Variants in SEC23A observed in about 807,000 individuals in gnomAD.
SEC23A encodes the protein protein transport protein Sec23A.
SEC23A carries 56 observed loss-of-function variants against 103.7 expected under a neutral mutation model. The ratio of observed to expected loss-of-function variants is 0.54; its 90% CI spans 0.44 to 0.67. The LOEUF (loss-of-function observed/expected upper bound fraction) is 0.67. Ranked by LOEUF, SEC23A falls within the 30% of genes least tolerant of loss-of-function variation. The probability of loss-of-function intolerance (pLI) is 0.00; values close to 1 mark genes in which losing one functional copy is unlikely to be tolerated. For synonymous variants in SEC23A, 281 were observed against 293.0 expected, an observed-to-expected ratio of 0.96 and a Z score of 0.42; for missense variants, 784 against 936.4, an observed-to-expected ratio of 0.84 and a Z score of 2.12.
chr14:39,038,138 T>A (rs1885520484), intron 19 of SEC23A, among the ~76,000 whole-genome samples: 1 of 152,224 alleles, frequency 6.6e-6, no homozygotes, highest in Admixed American at 6.5e-5. Flanking sequence ...GCTCTGCATG[T>A]AGTCTTTTAT....
chr14:39,061,634 T>G (rs1886482838), intron 13 of SEC23A, 131 bp downstream of exon 13: 3 of 705,068 alleles, frequency 4.3e-6, no homozygotes, highest in Non-Finnish European at 7.7e-6. Flanking sequence ...TAGAAAGAAA[T>G]AAATAAAATA....
rs1277959978 is a variant in SEC23A at position 39,094,434 on chromosome 14, ATATATATATTTTTTTTTT to A, written c.222-1208_222-1191del. Among the ~76,000 whole-genome samples the A allele has an allele frequency of 2.4e-3, 72 of 29,854 alleles. 12 individuals carry two copies. The East Asian group carries it at 0.027, about 11-fold the overall frequency. 19.6% of individuals were successfully genotyped at this position (29,854 alleles called of 152,430 possible). On this transcript the variant is annotated intron_variant, in intron 2 of 19. Coordinates refer to ENST00000307712, the MANE Select transcript of SEC23A (RefSeq NM_006364.4). ...TATATATATATATATATATATATAT[ATATATATATTTTTTTTTT>A]TTTTTTTTCCCCTCCTGTAGAAATG... is the stretch of plus-strand genomic sequence containing the variant.
chr14:39,045,146 T>G lies in SEC23A; in HGVS notation c.1899+17A>C, dbSNP rs1327490992. 1.2e-6 allele frequency: 2 copies of G among 1,611,874 alleles called. No individual in the cohort carries two copies. The highest frequency in any genetic ancestry group is 1.3e-5 in the African/African-American group (1 of 74,886). ...TTGCAGTAACAAGACCAATTTATTT[T>G]TTTCTGTCCCTCTTACCTCTGGTGG... is the stretch of plus-strand genomic sequence containing the variant. On this transcript the variant is annotated intron_variant, in intron 16 of 19. Coordinates refer to ENST00000307712, the MANE Select transcript of SEC23A (RefSeq NM_006364.4).
At chr14:39,096,670 CTA>C (rs2139299973) in intron 1 of SEC23A, among the ~76,000 whole-genome samples, 1 of 152,174 alleles carries the variant, frequency 6.6e-6, no homozygotes, top group South Asian at 2.1e-4. Context: ...TTTATTCACT[CTA>C]AAAGATGATG....
At chr14:39,050,870 C>T (rs767634778) in intron 14 of SEC23A, among the ~76,000 whole-genome samples, 3 of 152,038 alleles carry the variant, frequency 2.0e-5, no homozygotes, top group Non-Finnish European at 4.4e-5. Flanking sequence ...ACAATGGATC[C>T]GAACAAGGGA....
intron 16 of SEC23A, 112 bp from the exon 17 acceptor site, chr14:39,042,984 TTTA>T: frequency 2.7e-6 from 2 of 743,704 alleles, no homozygotes; most frequent in Non-Finnish European, 4.4e-6. Flanking sequence ...TATTTATTTA[TTTA>T]TTTTTTTGGA....
intron 5 of SEC23A, among the ~76,000 whole-genome samples, chr14:39,090,542 C>T (rs1225756452): frequency 6.6e-6 from 1 of 152,148 alleles, no homozygotes; most frequent in Non-Finnish European, 1.5e-5. Context: ...AGTTCCTACA[C>T]TAAAAATCGT....
intron 13 of SEC23A, among the ~76,000 whole-genome samples, chr14:39,058,377 G>T (rs182557900): frequency 0.014 from 2,176 of 151,668 alleles, 72 homozygotes; most frequent in African/African-American, 0.049. Flanking sequence ...GCGCAATCTC[G>T]GCTCACTGCA....
chr14:39,081,058 T>C (rs1392057321), intron 7 of SEC23A, among the ~76,000 whole-genome samples: 2 of 152,004 alleles, frequency 1.3e-5, no homozygotes, highest in East Asian at 3.9e-4. Flanking sequence ...AAAAAGTAGC[T>C]GGGCATAGTG....
chr14:39,066,481 T>C (rs1886672129), intron 10 of SEC23A, among the ~76,000 whole-genome samples: 1 of 147,982 alleles, frequency 6.8e-6, no homozygotes, highest in South Asian at 2.1e-4. Context: ...GTTTCCTCTT[T>C]TTTTTTTTTA....
chr14:39,050,319 A>G (rs1042362351), intron 14 of SEC23A, among the ~76,000 whole-genome samples: 2 of 152,248 alleles, frequency 1.3e-5, no homozygotes, highest in African/African-American at 4.8e-5. Context: ...TCTTTAATTC[A>G]GTAATTATTT....
rs1204610511 is a variant in SEC23A, at chr14:39,096,041, T to C, written c.78A>G (p.Ser26=). The change falls in exon 2 of 20, where the codon TCA becomes TCG. Residue 26 remains serine, a synonymous_variant. Coordinates refer to ENST00000307712, the MANE Select transcript of SEC23A (RefSeq NM_006364.4). ...CCATTCTTGTAGCTTCCAGTCGACT[T>C]GATGGCCAAACATTCCAACTAAATC... ...GVRFSWNVWP[S]SRLEATRMVV... The C allele has an allele frequency of 5.6e-6, 9 of 1,614,168 alleles. No homozygotes were observed. In the African/African-American group the frequency reaches 1.2e-4, roughly 22 times the overall value.
At chr14:39,069,128 A>G (rs1201455869) in intron 9 of SEC23A, among the ~76,000 whole-genome samples, 2 of 152,038 alleles carry the variant, frequency 1.3e-5, no homozygotes, top group African/African-American at 2.4e-5. Context: ...TTTACAGTAA[A>G]CCTCTATGAA....
At chr14:39,076,830 G>A (rs561646248) in intron 7 of SEC23A, among the ~76,000 whole-genome samples, 71 of 152,012 alleles carry the variant, frequency 4.7e-4, no homozygotes, top group African/African-American at 1.7e-3. Flanking sequence ...GGGAGGCTGA[G>A]GCAGGAGAAT....
Position 39,094,440 on chromosome 14 carries a change from ATATTTTTT to A in SEC23A, c.222-1204_222-1197del, listed in dbSNP as rs1185505428. Reference sequence around the variant, plus strand: ...TATATATATATATATATATATATATATATTTTTTTTTTTTTTTTTTCCCCTCCTGTAGA... The same window carrying A: ...TATATATATATATATATATATATATATTTTTTTTTTTTCCCCTCCTGTAGA... On this transcript the variant is annotated intron_variant, in intron 2 of 19. Transcript: ENST00000307712. 2.3e-3 allele frequency among the ~76,000 whole-genome samples: 30 copies of A among 13,080 alleles called. 2 individuals are homozygous for A. The highest frequency in any genetic ancestry group is 3.0e-3 in the Non-Finnish European group (26 of 8,602). The allele number at this position is 13,080 out of a possible 152,430, so 8.6% of individuals were successfully genotyped here.
chr14:39,039,073 G>A lies in SEC23A; in HGVS notation c.2166C>T (p.Val722=), dbSNP rs750386277. The A allele has an allele frequency of 3.4e-5, 55 of 1,613,604 alleles. No homozygotes were observed. The Admixed American group carries it at 9.2e-4, about 27-fold the overall frequency. Residue 722 remains valine, a synonymous_variant, in exon 19 of 20, where the codon GTC becomes GTT. Coordinates refer to ENST00000307712, the MANE Select transcript of SEC23A (RefSeq NM_006364.4). ...GSQARFLLSK[V]NPSQTHNNMY... is the part of the protein sequence containing the mutation. The stretch of plus-strand genomic sequence containing the variant: ...TATTATTATGAGTCTGTGAAGGGTT[G>A]ACTTTTGAAAGGAGGAAACGGGCCT...
At chr14:39,061,999 G>A (rs897410342) in intron 12 of SEC23A, 128 bp from the exon 13 acceptor site, 2 of 691,486 alleles carry the variant, frequency 2.9e-6, no homozygotes, top group Admixed American at 2.1e-5. Context: ...CTTATTTCCA[G>A]TGCATTCAAA....
At chr14:39,049,259 C>CTT (rs1885958049) in intron 14 of SEC23A, among the ~76,000 whole-genome samples, 1 of 151,878 alleles carries the variant, frequency 6.6e-6, no homozygotes, top group Non-Finnish European at 1.5e-5. Context: ...GGGCGGATCA[C>CTT]AAGGTCAGGA....
chr14:39,069,626 A>G (rs1413433593), intron 9 of SEC23A, among the ~76,000 whole-genome samples: 2 of 151,688 alleles, frequency 1.3e-5, no homozygotes, highest in Non-Finnish European at 2.9e-5. Flanking sequence ...TGCCCAGCCA[A>G]TTTTTGTATT....
Sources: allele counts gnomAD v4.1 joint callset (sites outside exome capture counted in the v4.1 genomes callset), GRCh38; gene constraint gnomAD v4.1.1; transcripts MANE v1.5; gene names NCBI Gene and HGNC (gene_info 2026-07-23, HGNC 2026-07-21).